CDK15: variants seen among roughly 807,000 people sequenced by gnomAD.
The protein encoded by CDK15 is cyclin-dependent kinase 15.
Under a neutral mutation model 60.3 loss-of-function variants are expected in CDK15, and 62 were observed. That is an observed-to-expected ratio of 1.03 (90% confidence interval 0.84 to 1.27). The LOEUF is 1.27. Among genes scored for constraint, CDK15 ranks in the 50% most tolerant of loss-of-function variants. The pLI, the probability that CDK15 is intolerant of heterozygous loss-of-function variation, is 0.00. For missense variants in CDK15, 541 were observed against 527.8 expected (o/e 1.03, Z -0.25); for synonymous variants, 194 against 195.7 (o/e 0.99, Z 0.07).
intron 4 of CDK15, among the ~76,000 whole-genome samples, 186 bp downstream of exon 4, chr2:201,812,748 T>C (rs1188633838): frequency 6.6e-6 from 1 of 152,168 alleles, no homozygotes; most frequent in African/African-American, 2.4e-5. Context: ...TTTGAGGAAA[T>C]TGAGATTTAA....
intron 13 of CDK15, among the ~76,000 whole-genome samples, chr2:201,891,306 G>A (rs941901017): frequency 3.3e-5 from 5 of 152,204 alleles, no homozygotes; most frequent in South Asian, 4.1e-4. Flanking sequence ...GATTATAGGC[G>A]TGAGGCACAG....
intron 10 of CDK15, among the ~76,000 whole-genome samples, chr2:201,856,382 T>C (rs1348672900): frequency 1.3e-5 from 2 of 152,228 alleles, no homozygotes; most frequent in Non-Finnish European, 2.9e-5. Context: ...TCAGCTGCTT[T>C]GTGAATGGTT....
At chr2:201,860,605 C>G (rs186196987) in intron 10 of CDK15, 1 of 880,324 alleles carries the variant, frequency 1.1e-6, no homozygotes, top group South Asian at 1.7e-5. Context: ...ACTAGAAGAA[C>G]GTAATGAAAA....
chr2:201,881,108 G>C (rs1699263734), intron 12 of CDK15, among the ~76,000 whole-genome samples: 1 of 152,148 alleles, frequency 6.6e-6, no homozygotes, highest in African/African-American at 2.4e-5. Flanking sequence ...GTGAGATAAG[G>C]ATGGGGACAG....
chr2:201,855,824 C>CTTT (rs570053529), intron 10 of CDK15, among the ~76,000 whole-genome samples: 3 of 134,004 alleles, frequency 2.2e-5, no homozygotes, highest in African/African-American at 8.3e-5. Flanking sequence ...GTTGTCCTTA[C>CTTT]TTTTTTTTTT....
Position 201,823,748 on chromosome 2 carries a change from G to T in CDK15, c.606+21G>T, listed in dbSNP as rs114832060. ...TCAGAGTGAGTACGTTAAGGGTCAG[G>T]ACCCTCTCCTGGCTTGCCCACAGAA... On this transcript the variant is annotated intron_variant, in intron 6 of 13. Transcript: ENST00000652192. 3.0e-3 allele frequency: 4,858 copies of T among 1,609,338 alleles called. 8 individuals carry two copies. The highest frequency in any genetic ancestry group is 3.8e-3 in the Non-Finnish European group (4,444 of 1,176,138).
intron 6 of CDK15, among the ~76,000 whole-genome samples, chr2:201,831,117 G>A (rs2105732912): frequency 6.6e-6 from 1 of 152,300 alleles, no homozygotes; most frequent in Middle Eastern, 3.4e-3. Context: ...GGAGGAAAAG[G>A]AATAGTCAGA....
intron 3 of CDK15, among the ~76,000 whole-genome samples, chr2:201,812,173 C>CAAAAAAAA (rs56808760): frequency 1.9e-3 from 176 of 95,120 alleles, no homozygotes; most frequent in Middle Eastern, 5.2e-3. Context: ...GATTCTGTCT[C>CAAAAAAAA]AAAAAAAAAA....
intron 10 of CDK15, among the ~76,000 whole-genome samples, chr2:201,855,919 G>A (rs1286149824): frequency 1.3e-5 from 2 of 150,598 alleles, no homozygotes; most frequent in South Asian, 2.1e-4. Flanking sequence ...TCCACCTCCT[G>A]GGTTCAAGCA....
chr2:201,890,033 A>C (rs984420081), intron 12 of CDK15, among the ~76,000 whole-genome samples: 10 of 148,828 alleles, frequency 6.7e-5, no homozygotes, highest in Admixed American at 6.7e-5. Context: ...TGGGCCACAG[A>C]GTGAGACTCA....
chr2:201,817,051 C>G (rs79902259), intron 4 of CDK15, among the ~76,000 whole-genome samples: 2,019 of 152,320 alleles, frequency 0.013, 45 homozygotes, highest in African/African-American at 0.045. Flanking sequence ...GAGGTACACC[C>G]GCTGCTGCTG....
chr2:201,891,681 C>T (rs903993730), intron 13 of CDK15, among the ~76,000 whole-genome samples: 7 of 152,152 alleles, frequency 4.6e-5, no homozygotes, highest in African/African-American at 1.7e-4. Flanking sequence ...CCAAAAGTCA[C>T]CGTAGTATAG....
intron 13 of CDK15, among the ~76,000 whole-genome samples, chr2:201,891,958 A>G (rs1465226547): frequency 6.6e-6 from 1 of 152,112 alleles, no homozygotes; most frequent in Non-Finnish European, 1.5e-5. Context: ...CCCCCCAACA[A>G]TATCACTCAC....
intron 10 of CDK15, 94 bp downstream of exon 10, chr2:201,855,031 A>T: frequency 9.0e-7 from 1 of 1,105,492 alleles, no homozygotes; most frequent in Non-Finnish European, 1.4e-6. Flanking sequence ...TTGTGAACTC[A>T]GCGGCAAAGA....
At chr2:201,836,536 C>T (rs1474803199) in intron 8 of CDK15, among the ~76,000 whole-genome samples, 2 of 151,722 alleles carry the variant, frequency 1.3e-5, no homozygotes, top group Admixed American at 1.3e-4. Flanking sequence ...AGCAGTTCTC[C>T]CACTTCAGCC....
chr2:201,861,513 C>G, intron 10 of CDK15: 1 of 965,272 alleles, frequency 1.0e-6, no homozygotes, highest in Non-Finnish European at 1.2e-6. Flanking sequence ...TTAGTAGGTA[C>G]TCAATAAAAG....
chr2:201,865,229 C>T (rs1395845866), intron 10 of CDK15, among the ~76,000 whole-genome samples: 3 of 152,152 alleles, frequency 2.0e-5, no homozygotes, highest in African/African-American at 7.2e-5. Flanking sequence ...AATGATGCCT[C>T]ATTAAATACA....
intron 1 of CDK15, 75 bp downstream of exon 1, chr2:201,806,862 G>A: frequency 6.5e-7 from 1 of 1,534,918 alleles, no homozygotes; most frequent in South Asian, 1.2e-5. Context: ...TTTTGTAGCG[G>A]GATCTGATTC....
intron 11 of CDK15, among the ~76,000 whole-genome samples, chr2:201,873,210 A>C (rs781734931): frequency 8.5e-5 from 13 of 152,232 alleles, no homozygotes; most frequent in Non-Finnish European, 1.3e-4. Flanking sequence ...ATCAGGGTAC[A>C]AAGAGTAAAA....
Sources: allele counts gnomAD v4.1 joint callset (sites outside exome capture counted in the v4.1 genomes callset), GRCh38; gene constraint gnomAD v4.1.1; transcripts MANE v1.5; gene names NCBI Gene and HGNC (gene_info 2026-07-23, HGNC 2026-07-21).